Variants in ZDHHC21 observed in about 807,000 individuals in gnomAD.
ZDHHC21 encodes zDHHC palmitoyltransferase 21, also known as palmitoyltransferase ZDHHC21.
In ZDHHC21, 15 loss-of-function variants were observed where a neutral mutation model predicts 34.6. The ratio of observed to expected loss-of-function variants is 0.43; its 90% CI spans 0.29 to 0.67. The LOEUF (loss-of-function observed/expected upper bound fraction) is 0.67. ZDHHC21 is among the 30% of genes least tolerant of loss of function. The probability of loss-of-function intolerance (pLI) is 0.14; values close to 1 mark genes in which losing one functional copy is unlikely to be tolerated. For missense variants in ZDHHC21, 344 were observed against 327.7 expected (o/e 1.05, Z -0.38); for synonymous variants, 142 against 101.8 (o/e 1.40, Z -2.38).
intron 5 of ZDHHC21, among the ~76,000 whole-genome samples, chr9:14,664,058 C>T (rs942072894): frequency 6.6e-5 from 10 of 151,846 alleles, no homozygotes; most frequent in African/African-American, 1.4e-4. Flanking sequence ...GCGTGAGCGA[C>T]GCAGAAGACG....
At chr9:14,609,126 A>T (rs1270169342), downstream of ZDHHC21, among the ~76,000 whole-genome samples, 1 of 151,982 alleles carries the variant, frequency 6.6e-6, no homozygotes, top group Non-Finnish European at 1.5e-5. Context: ...AAACCACACT[A>T]TCGCTTAAAA....
chr9:14,675,288 A>G (rs1261590882), intron 3 of ZDHHC21, among the ~76,000 whole-genome samples: 1 of 151,922 alleles, frequency 6.6e-6, no homozygotes, highest in Non-Finnish European at 1.5e-5. Context: ...GAAATAATAA[A>G]TTGCTGTATA....
At chr9:14,643,606 C>G (rs1009014366) in intron 7 of ZDHHC21, among the ~76,000 whole-genome samples, 4 of 152,164 alleles carry the variant, frequency 2.6e-5, no homozygotes, top group Non-Finnish European at 5.9e-5. Context: ...GTAATAATGG[C>G]ATTCTCCTAT....
chr9:14,601,969 G>A, the ZDHHC21 span, among the ~76,000 whole-genome samples: 6 of 151,946 alleles, frequency 3.9e-5, no homozygotes, highest in Admixed American at 2.0e-4. Flanking sequence ...ACACACGGAG[G>A]GGAACATCAC....
At chr9:14,619,928 C>T (rs1824993625) in intron 8 of ZDHHC21, among the ~76,000 whole-genome samples, 2 of 151,310 alleles carry the variant, frequency 1.3e-5, no homozygotes, top group African/African-American at 4.8e-5. Flanking sequence ...AAAATTATGA[C>T]AGTATCACTT....
chr9:14,653,015 G>T (rs982569384), intron 7 of ZDHHC21, among the ~76,000 whole-genome samples: 3 of 151,876 alleles, frequency 2.0e-5, no homozygotes, highest in African/African-American at 7.2e-5. Context: ...GCTGACAGAA[G>T]AACACAGGGT....
At chr9:14,629,779 T>C (rs1272739212) in intron 8 of ZDHHC21, among the ~76,000 whole-genome samples, 1 of 152,000 alleles carries the variant, frequency 6.6e-6, no homozygotes, top group African/African-American at 2.4e-5. Flanking sequence ...AATAAACCGG[T>C]GGCTCACACC....
intron 7 of ZDHHC21, among the ~76,000 whole-genome samples, chr9:14,655,852 T>C (rs1253715831): frequency 1.3e-5 from 1 of 79,288 alleles, no homozygotes; most frequent in Non-Finnish European, 2.5e-5. Context: ...ATGTTTCATA[T>C]TAAAAGATAA....
intron 7 of ZDHHC21, among the ~76,000 whole-genome samples, chr9:14,647,467 T>C (rs1830453846): frequency 6.6e-6 from 1 of 152,152 alleles, no homozygotes; most frequent in Non-Finnish European, 1.5e-5. Flanking sequence ...ACTCATAACA[T>C]AATTACAATT....
Position 14,618,662 on chromosome 9 carries a change from A to G in ZDHHC21, c.*304T>C, listed in dbSNP as rs1302155708. 4.5e-6 allele frequency: 1 copy of G among 220,366 alleles called. No homozygotes were observed. Among genetic ancestry groups the G allele is most frequent in the Admixed American group, 5.8e-5 (1 of 17,266 alleles). The allele number at this position is 220,366 out of a possible 1,614,324, so 13.7% of individuals were successfully genotyped here. Reference sequence around the variant, plus strand: ...AATCTGTAACACTGTCAGTACTAAAATAAATTATGTACAATTATTTCATCC... The same window carrying G: ...AATCTGTAACACTGTCAGTACTAAAGTAAATTATGTACAATTATTTCATCC... On this transcript the variant is annotated 3_prime_UTR_variant, in exon 10 of 10. Transcript: ENST00000380916.
chr9:14,639,942 A>C lies in ZDHHC21; in HGVS notation c.575T>G (p.Val192Gly). ...AGTGTAAAAGAGTCCAGTTATTCCA[A>C]CTAACATAGTAATGCCCATAAAGGC... ...LAAFMGITML[V>G]GITGLFYTQL... Residue 192 changes from valine to glycine, a missense_variant, in exon 8 of 10, where the codon GTT (valine) becomes GGT (glycine). By Grantham distance (109) the Val-to-Gly change is moderately radical. Transcript: ENST00000380916. 1 of 1,608,526 alleles carries C rather than the reference A, an allele frequency of 6.2e-7. No individual in the cohort carries two copies. Among genetic ancestry groups the C allele is most frequent in the Non-Finnish European group, 8.5e-7 (1 of 1,176,850 alleles).
At chr9:14,645,275 G>C (rs929702991) in intron 7 of ZDHHC21, among the ~76,000 whole-genome samples, 1 of 151,892 alleles carries the variant, frequency 6.6e-6, no homozygotes, top group African/African-American at 2.4e-5. Context: ...TAGATCAACA[G>C]ACTAGAAAAG....
chr9:14,655,034 C>T (rs1487694776), intron 7 of ZDHHC21, among the ~76,000 whole-genome samples: 1 of 151,804 alleles, frequency 6.6e-6, no homozygotes, highest in Non-Finnish European at 1.5e-5. Context: ...GAAAAAAGTG[C>T]AAAGAAAACA....
chr9:14,676,310 C>G (rs549776503), intron 3 of ZDHHC21, among the ~76,000 whole-genome samples: 2 of 147,194 alleles, frequency 1.4e-5, no homozygotes, highest in East Asian at 3.9e-4. Flanking sequence ...GCCTATATCC[C>G]AGTCTACTTC....
At chr9:14,673,102 C>T (rs1379551113) in intron 4 of ZDHHC21, among the ~76,000 whole-genome samples, 174 bp from the exon 5 acceptor site, 2 of 151,914 alleles carry the variant, frequency 1.3e-5, no homozygotes, top group African/African-American at 2.4e-5. Context: ...GTCAGGAGGA[C>T]TATCTTAAAT....
intron 4 of ZDHHC21, among the ~76,000 whole-genome samples, chr9:14,673,408 T>C (rs576913905): frequency 6.6e-6 from 1 of 151,946 alleles, no homozygotes; most frequent in African/African-American, 2.4e-5. Context: ...AATTAAGACT[T>C]AGAAACTTTT....
At chr9:14,679,932 T>C (rs1837080823) in intron 3 of ZDHHC21, 101 bp downstream of exon 3, 1 of 152,418 alleles carries the variant, frequency 6.6e-6, no homozygotes, top group Non-Finnish European at 1.5e-5. Flanking sequence ...GTAACTACAT[T>C]TGCTAACTGA....
At chr9:14,593,787 A>G in the ZDHHC21 span, 1 of 152,724 alleles carries the variant, frequency 6.5e-6, no homozygotes, top group Admixed American at 6.5e-5. Flanking sequence ...TACAGATTCA[A>G]GAGAGATGAC....
In ZDHHC21 at chr9:14,614,604, T is replaced by G. The variant is rs974695865; in HGVS notation, c.*4362A>C. On this transcript the variant is annotated 3_prime_UTR_variant, in exon 10 of 10. Coordinates refer to ENST00000380916, the MANE Select transcript of ZDHHC21 (RefSeq NM_178566.6). ...GAATTCAACTGAGAATGACTAAATATAGAGCACAATGAAATCTGTGATTTA... is the reference window on the plus strand; with the variant it reads ...GAATTCAACTGAGAATGACTAAATAGAGAGCACAATGAAATCTGTGATTTA... 2.0e-5 allele frequency: 3 copies of G among 151,728 alleles called. No homozygotes were observed. Among genetic ancestry groups the G allele is most frequent in the African/African-American group, 7.2e-5 (3 of 41,416 alleles). 9.4% of individuals were successfully genotyped at this position (151,728 alleles called of 1,614,324 possible). A position where few individuals can be genotyped will look rare whatever the true frequency, so the allele number is the denominator to read the frequency against.
Sources: allele counts gnomAD v4.1 joint callset (sites outside exome capture counted in the v4.1 genomes callset), GRCh38; gene constraint gnomAD v4.1.1; transcripts MANE v1.5; gene names NCBI Gene and HGNC (gene_info 2026-07-23, HGNC 2026-07-21).